KIAA0586: variants seen among roughly 807,000 people sequenced by gnomAD.
KIAA0586 encodes the protein protein TALPID3.
A neutral mutation model predicts 169.8 loss-of-function variants in KIAA0586; 144 were observed. The observed-to-expected ratio is 0.85, with a 90% CI of 0.74 to 0.97. The LOEUF (loss-of-function observed/expected upper bound fraction) is 0.97. KIAA0586 is among the 50% of genes least tolerant of loss of function. The pLI, the probability that KIAA0586 is intolerant of heterozygous loss-of-function variation, is 0.00. For missense variants in KIAA0586, 1,854 were observed against 1,823.0 expected, an observed-to-expected ratio of 1.02 and a Z score of -0.31; for synonymous variants, 625 against 612.4, an observed-to-expected ratio of 1.02 and a Z score of -0.30.
At chr14:58,554,485 A>C (rs567237576), downstream of KIAA0586, among the ~76,000 whole-genome samples, 1 of 152,300 alleles carries the variant, frequency 6.6e-6, no homozygotes, top group African/African-American at 2.4e-5. Flanking sequence ...TATTTAGCTA[A>C]ATCTGCATGT....
intron 2 of KIAA0586, among the ~76,000 whole-genome samples, 162 bp from the exon 3 acceptor site, chr14:58,430,486 G>A (rs2037267693): frequency 6.6e-6 from 1 of 152,148 alleles, no homozygotes; most frequent in Non-Finnish European, 1.5e-5. Context: ...TCTTTGAGTA[G>A]CTTTAAGGTA....
At chr14:58,449,704 A>ATT (rs2039192713) in intron 7 of KIAA0586, among the ~76,000 whole-genome samples, 1 of 152,160 alleles carries the variant, frequency 6.6e-6, no homozygotes, top group Non-Finnish European at 1.5e-5. Context: ...TTTCAGTATG[A>ATT]CCCAGCTGAG....
At chr14:58,435,478 A>G (rs1008196382) in intron 4 of KIAA0586, among the ~76,000 whole-genome samples, 11 of 152,132 alleles carry the variant, frequency 7.2e-5, no homozygotes, top group Admixed American at 2.0e-4. Flanking sequence ...AGGAACCTTC[A>G]ATATCCTCCT....
At chr14:58,488,210 C>T in intron 23 of KIAA0586, 101 bp downstream of exon 23, 1 of 922,710 alleles carries the variant, frequency 1.1e-6, no homozygotes, top group South Asian at 1.7e-5. Context: ...CTTTATAAAC[C>T]ACAGACTACC....
intron 29 of KIAA0586, among the ~76,000 whole-genome samples, chr14:58,537,500 CTG>C (rs1842546720): frequency 6.6e-6 from 1 of 152,138 alleles, no homozygotes; most frequent in African/African-American, 2.4e-5. Flanking sequence ...TGTTTATACT[CTG>C]TGTTCTCTGT....
rs146025026 is a variant in KIAA0586 at position 58,516,637 on chromosome 14, T to C, written c.4429+4010T>C. On this transcript the variant is annotated intron_variant, in intron 29 of 30. Coordinates refer to ENST00000652326, the MANE Select transcript of KIAA0586 (RefSeq NM_001329943.3). ...TCCAGCAGGGATTTCTGGGTAGAAG[T>C]TGACAAGCTGAAGCTAAAACTCTTG... 4.4e-3 allele frequency among the ~76,000 whole-genome samples: 676 copies of C among 152,288 alleles called. 1 individual carries two copies. Among genetic ancestry groups the C allele is most frequent in the African/African-American group, 0.013 (538 of 41,556 alleles).
intron 29 of KIAA0586, among the ~76,000 whole-genome samples, chr14:58,515,839 C>T (rs2044711734): frequency 6.6e-6 from 1 of 151,980 alleles, no homozygotes; most frequent in South Asian, 2.1e-4. Context: ...AGTTTTGTTT[C>T]TACCTAGGAT....
At position 58,432,389 on chromosome 14, in the gene KIAA0586, A is replaced by C; in HGVS notation, c.342A>C (p.Ala114=). The change falls in exon 4 of 31, where the codon GCA becomes GCC. Residue 114 remains alanine (A), a splice_region_variant and synonymous_variant. Transcript: ENST00000652326. The stretch of plus-strand genomic sequence containing the variant: ...TATTTTTGTGTCTTGATTTTGCAGC[A>C]AATGACATCTTCATTTCTCAGTATA... ...DKIEENNKQK[A]NDIFISQYTM... 6.5e-7 allele frequency: 1 copy of C among 1,536,860 alleles called. No homozygotes were observed. The highest frequency in any genetic ancestry group is 8.8e-7 in the Non-Finnish European group (1 of 1,137,762).
Position 58,441,211 on chromosome 14 carries a change from T to C in KIAA0586, c.411-1495T>C, listed in dbSNP as rs1364313825. ...AATTCTTTTTTTTTTTTTTTTTTTT[T>C]CTGGGACAGTGTCTCACTTTGTCTC... On this transcript the variant is annotated intron_variant, in intron 4 of 30. Transcript: ENST00000652326. 8 of 166,420 alleles carry C rather than the reference T, an allele frequency of 4.8e-5. No homozygotes were observed. The highest frequency in any genetic ancestry group is 7.3e-5 in the Non-Finnish European group (6 of 82,078). 10.3% of individuals were successfully genotyped at this position (166,420 alleles called of 1,614,324 possible). A position where few individuals can be genotyped will look rare whatever the true frequency, so the allele number is the denominator to read the frequency against.
chr14:58,482,431 AAATAATAAT>A (rs1297271742), intron 20 of KIAA0586, 73 bp from the exon 21 acceptor site: 1 of 1,070,520 alleles, frequency 9.3e-7, no homozygotes, highest in Admixed American at 3.5e-5. Context: ...GTCTCGAGAA[AAATAATAAT>A]AATAATAATG....
intron 29 of KIAA0586, chr14:58,522,041 G>T: frequency 9.6e-7 from 1 of 1,045,160 alleles, no homozygotes; most frequent in Non-Finnish European, 1.5e-6. Context: ...TTACGTAGGT[G>T]CTTGTCTAAG....
chr14:58,516,122 G>A (rs959386630), intron 29 of KIAA0586, among the ~76,000 whole-genome samples: 3 of 152,264 alleles, frequency 2.0e-5, no homozygotes, highest in East Asian at 3.9e-4. Context: ...GTTTCTAAAG[G>A]CCAAGTATAG....
At chr14:58,537,650 CT>C (rs2046377306) in intron 29 of KIAA0586, among the ~76,000 whole-genome samples, 5 of 151,746 alleles carry the variant, frequency 3.3e-5, no homozygotes. Context: ...ATAGTAAGCA[CT>C]TTTCTTTTTT....
chr14:58,447,134 A>G (rs1412112548), intron 6 of KIAA0586, among the ~76,000 whole-genome samples: 1 of 152,180 alleles, frequency 6.6e-6, no homozygotes, highest in Non-Finnish European at 1.5e-5. Context: ...TTGTTTACAT[A>G]CTGGATATAT....
intron 27 of KIAA0586, among the ~76,000 whole-genome samples, chr14:58,501,166 A>G (rs1373515916): frequency 6.6e-6 from 1 of 152,248 alleles, no homozygotes; most frequent in African/African-American, 2.4e-5. Flanking sequence ...TCAGAAAAGG[A>G]AAAGCCTGAA....
At position 58,461,065 on chromosome 14, in the gene KIAA0586, A is replaced by T; in HGVS notation, c.1964A>T (p.His655Leu). The T allele has an allele frequency of 6.2e-7, 1 of 1,612,524 alleles. No homozygotes were observed. The highest frequency in any genetic ancestry group is 8.5e-7 in the Non-Finnish European group (1 of 1,179,146). Reference protein sequence around the residue: ...QVYGKPVYQGHRSTLKKGPYL... With the variant: ...QVYGKPVYQGLRSTLKKGPYL... ...TATGGAAAGCCAGTTTATCAGGGCC[A>T]TCGAAGCACTCTTAAAAAAGGACCA... The change falls in exon 14 of 31, where the codon CAT becomes CTT. Residue 655 changes from histidine (H) to leucine (L), a missense_variant. By Grantham distance (99) the His-to-Leu change is moderately conservative. Transcript: ENST00000652326.
intron 16 of KIAA0586, among the ~76,000 whole-genome samples, chr14:58,469,344 C>T (rs1469060410): frequency 6.6e-6 from 1 of 152,196 alleles, no homozygotes; most frequent in Admixed American, 6.5e-5. Flanking sequence ...AACTTCCAGT[C>T]ATTCTTGCAG....
chr14:58,554,973 A>T (rs1429461356), downstream of KIAA0586, among the ~76,000 whole-genome samples: 15 of 152,038 alleles, frequency 9.9e-5, no homozygotes. Context: ...GCAGAATCCT[A>T]TAGGACTGTT....
rs370462219 is a variant in KIAA0586 at position 58,446,277 on chromosome 14, C to T, written c.808-2063C>T. 6.1e-4 allele frequency among the ~76,000 whole-genome samples: 93 copies of T among 151,914 alleles called. 2 individuals carry two copies. In the East Asian group the frequency reaches 0.018, roughly 29 times the overall value. On this transcript the variant is annotated intron_variant, in intron 6 of 30. Coordinates refer to ENST00000652326, the MANE Select transcript of KIAA0586 (RefSeq NM_001329943.3). Reference sequence around the variant, plus strand: ...TTGGGAGGCCGAGGTGGGTGGATCACTTGAGGTCAGGAGTTCAAGACCAGC... The same window carrying T: ...TTGGGAGGCCGAGGTGGGTGGATCATTTGAGGTCAGGAGTTCAAGACCAGC...
Sources: allele counts gnomAD v4.1 joint callset (sites outside exome capture counted in the v4.1 genomes callset), GRCh38; gene constraint gnomAD v4.1.1; transcripts MANE v1.5; gene names NCBI Gene and HGNC (gene_info 2026-07-23, HGNC 2026-07-21).